The following ATP9B variants were observed in gnomAD, a reference collection of about 807,000 sequenced individuals.
ATP9B encodes the protein probable phospholipid-transporting ATPase IIB.
ATP9B carries 110 observed loss-of-function variants against 146.1 expected under a neutral mutation model. The ratio of observed to expected loss-of-function variants is 0.75; its 90% CI spans 0.65 to 0.88. The LOEUF (loss-of-function observed/expected upper bound fraction) is 0.88. Among genes scored for constraint, ATP9B ranks in the 40% least tolerant of loss-of-function variants. The pLI is 0.00. For missense variants in ATP9B, 1,499 were observed against 1,496.4 expected (o/e 1.00, Z -0.03); for synonymous variants, 604 against 569.7 (o/e 1.06, Z -0.86).
chr18:79,148,451 A>G (rs926399948), intron 6 of ATP9B, among the ~76,000 whole-genome samples: 1 of 152,212 alleles, frequency 6.6e-6, no homozygotes, highest in African/African-American at 2.4e-5. Flanking sequence ...TCAGCATTCT[A>G]AAATCAAGCA....
intron 15 of ATP9B, among the ~76,000 whole-genome samples, chr18:79,313,605 T>C (rs2096664251): frequency 6.6e-6 from 1 of 152,250 alleles, no homozygotes; most frequent in Admixed American, 6.5e-5. Context: ...ATTCCACATT[T>C]TTTATTCAAA....
intron 15 of ATP9B, among the ~76,000 whole-genome samples, chr18:79,326,541 T>A (rs1293566463): frequency 1.3e-5 from 2 of 149,642 alleles, no homozygotes; most frequent in East Asian, 2.0e-4. Flanking sequence ...CTCTGCACAC[T>A]CTCTCCCTGC....
At position 79,256,286 on chromosome 18, in the gene ATP9B, T is replaced by TATATATATATATATACAC. The variant is rs398033647; in HGVS notation, c.1268+2746_1268+2747insTATATATATATATACACA. ...ATATATATATATATATATATATATA[T>TATATATATATATATACAC]ACATACATAGTGAGGCTATGTTATT... is the stretch of plus-strand genomic sequence containing the variant. On this transcript the variant is annotated intron_variant, in intron 12 of 29. Coordinates refer to ENST00000426216, the MANE Select transcript of ATP9B (RefSeq NM_198531.5). Among the ~76,000 whole-genome samples, 35 of 123,060 alleles carry TATATATATATATATACAC rather than the reference T, an allele frequency of 2.8e-4. 1 individual carries two copies. Among genetic ancestry groups the TATATATATATATATACAC allele is most frequent in the African/African-American group, 9.7e-4 (30 of 30,800 alleles). The allele number at this position is 123,060 out of a possible 152,430, so 80.7% of individuals were successfully genotyped here.
chr18:79,168,889 C>CCATGCCTCATTCTTCTT (rs2095026668), intron 7 of ATP9B, among the ~76,000 whole-genome samples: 1 of 152,090 alleles, frequency 6.6e-6, no homozygotes, highest in Non-Finnish European at 1.5e-5. Context: ...TAAATCTCTT[C>CCATGCCTCATTCTTCTT]CATGCCTCAT....
chr18:79,372,715 G>A, intron 26 of ATP9B, 110 bp from the exon 27 acceptor site: 2 of 785,414 alleles, frequency 2.5e-6, no homozygotes, highest in Non-Finnish European at 4.6e-6. Context: ...TGGCATGGAT[G>A]GGGCTTATGG....
rs985436485 is a variant in ATP9B at position 79,298,037 on chromosome 18, C to T, written c.1412-5567C>T. Among the ~76,000 whole-genome samples, 8 of 147,100 alleles carry T rather than the reference C, an allele frequency of 5.4e-5. 1 individual carries two copies. The highest frequency in any genetic ancestry group is 2.8e-4 in the Admixed American group (4 of 14,318). ...CCTCACTCTGTGTGATGGAGACGCA[C>T]GCTTTCCCTAGGTCAGGAAGGAAGC... On this transcript the variant is annotated intron_variant, in intron 13 of 29. Coordinates refer to ENST00000426216, the MANE Select transcript of ATP9B (RefSeq NM_198531.5).
chr18:79,174,889 C>G (rs771104270), intron 7 of ATP9B, among the ~76,000 whole-genome samples: 4 of 152,122 alleles, frequency 2.6e-5, no homozygotes, highest in Admixed American at 2.6e-4. Context: ...GTGCTATCAA[C>G]TGATCTTCCC....
At chr18:79,224,052 T>C (rs2095706104) in intron 11 of ATP9B, among the ~76,000 whole-genome samples, 1 of 152,206 alleles carries the variant, frequency 6.6e-6, no homozygotes, top group Admixed American at 6.5e-5. Context: ...AAGAAGGGCT[T>C]ACTAATTATT....
At chr18:79,320,657 C>T (rs972627421) in intron 15 of ATP9B, among the ~76,000 whole-genome samples, 3 of 152,204 alleles carry the variant, frequency 2.0e-5, no homozygotes, top group Non-Finnish European at 4.4e-5. Context: ...TTTACTGGAT[C>T]TGCATATGGA....
intron 13 of ATP9B, among the ~76,000 whole-genome samples, chr18:79,278,166 G>T (rs1366076241): frequency 6.6e-6 from 1 of 152,166 alleles, no homozygotes; most frequent in Non-Finnish European, 1.5e-5. Context: ...GAAGAGTAAA[G>T]CTCCATTCAC....
At chr18:79,153,616 G>T (rs1306700180) in intron 6 of ATP9B, among the ~76,000 whole-genome samples, 1 of 151,582 alleles carries the variant, frequency 6.6e-6, no homozygotes, top group Non-Finnish European at 1.5e-5. Flanking sequence ...AGAGGCCACA[G>T]AAATGGCAAT....
intron 12 of ATP9B, among the ~76,000 whole-genome samples, chr18:79,257,156 G>A (rs1048737640): frequency 6.6e-6 from 1 of 151,990 alleles, no homozygotes; most frequent in African/African-American, 2.4e-5. Flanking sequence ...AAAAATTAGC[G>A]GGGCATGGTG....
intron 15 of ATP9B, among the ~76,000 whole-genome samples, chr18:79,309,449 A>C (rs865824055): frequency 2.0e-5 from 3 of 147,152 alleles, no homozygotes; most frequent in Non-Finnish European, 4.5e-5. Flanking sequence ...GATCCCCAGC[A>C]GGTAGAAGGT....
intron 1 of ATP9B, among the ~76,000 whole-genome samples, chr18:79,074,519 C>T (rs531227715): frequency 1.8e-4 from 27 of 152,374 alleles, no homozygotes; most frequent in Non-Finnish European, 2.6e-4. Context: ...TCGGTGCTGC[C>T]TGGCTCTCCC....
At chr18:79,199,303 G>A (rs1600389173) in intron 9 of ATP9B, among the ~76,000 whole-genome samples, 1 of 151,814 alleles carries the variant, frequency 6.6e-6, no homozygotes, top group Non-Finnish European at 1.5e-5. Context: ...ATTTGTGCCC[G>A]GCCCTATAAC....
At chr18:79,272,659 T>G (rs2096268504) in intron 12 of ATP9B, among the ~76,000 whole-genome samples, 1 of 152,214 alleles carries the variant, frequency 6.6e-6, no homozygotes, top group Non-Finnish European at 1.5e-5. Flanking sequence ...TATGCTCCTC[T>G]CCCTGAGCCC....
chr18:79,158,762 G>C (rs997839085), intron 7 of ATP9B, among the ~76,000 whole-genome samples: 7 of 152,068 alleles, frequency 4.6e-5, no homozygotes, highest in African/African-American at 1.7e-4. Context: ...TAACATACTG[G>C]GTATCCTTGA....
intron 7 of ATP9B, among the ~76,000 whole-genome samples, chr18:79,172,635 C>T (rs1230769661): frequency 1.3e-5 from 2 of 152,204 alleles, no homozygotes; most frequent in Non-Finnish European, 2.9e-5. Flanking sequence ...GGCGTAGCCA[C>T]CGTGCCCGCC....
At position 79,273,743 on chromosome 18, in the gene ATP9B, C is replaced by T. The variant is rs370967503; in HGVS notation, c.1269-3311C>T. Reference sequence around the variant, plus strand: ...GATTGCATGGTATATTTTAGGAAAACGCACTTCAAATTTTTCAGAGTCCAA... The same window carrying T: ...GATTGCATGGTATATTTTAGGAAAATGCACTTCAAATTTTTCAGAGTCCAA... On this transcript the variant is annotated intron_variant, in intron 12 of 29. Transcript: ENST00000426216. Among the ~76,000 whole-genome samples the T allele has an allele frequency of 2.5e-3, 380 of 152,282 alleles. 2 individuals are homozygous for T. The highest frequency in any genetic ancestry group is 6.4e-3 in the South Asian group (31 of 4,820).
Sources: allele counts gnomAD v4.1 joint callset (sites outside exome capture counted in the v4.1 genomes callset), GRCh38; gene constraint gnomAD v4.1.1; transcripts MANE v1.5; gene names NCBI Gene and HGNC (gene_info 2026-07-23, HGNC 2026-07-21).